Variants in DACT2 observed in about 807,000 individuals in gnomAD.
The protein encoded by DACT2 is dishevelled binding antagonist of beta catenin 2, also known as dapper homolog 2.
Under a neutral mutation model 22.2 loss-of-function variants are expected in DACT2, and 20 were observed. The observed-to-expected ratio is 0.90, with a 90% CI of 0.63 to 1.31. The LOEUF (loss-of-function observed/expected upper bound fraction) is 1.31. Among genes scored for constraint, DACT2 ranks in the 50% most tolerant of loss-of-function variants. DACT2 has a pLI of 0.00. For missense variants in DACT2, 1,048 were observed against 1,061.4 expected, an observed-to-expected ratio of 0.99 and a Z score of 0.18; for synonymous variants, 463 against 479.8, an observed-to-expected ratio of 0.96 and a Z score of 0.46.
At chr6:168,316,347 ACAGCATCTCAGC>A (rs1779543916) in intron 1 of DACT2, among the ~76,000 whole-genome samples, 1 of 55,614 alleles carries the variant, frequency 1.8e-5, no homozygotes, top group Admixed American at 1.8e-4. Context: ...CAAACACACA[ACAGCATCTCAGC>A]AGCACCTCCC....
At chr6:168,310,838 G>A (rs1779378261) in intron 2 of DACT2, among the ~76,000 whole-genome samples, 1 of 152,180 alleles carries the variant, frequency 6.6e-6, no homozygotes, top group African/African-American at 2.4e-5. Flanking sequence ...TGCCTGCCAA[G>A]TTGAGGAGAC....
intron 3 of DACT2, among the ~76,000 whole-genome samples, chr6:168,296,364 G>A (rs1019105288): frequency 1.3e-4 from 20 of 149,864 alleles, no homozygotes; most frequent in African/African-American, 4.7e-4. Flanking sequence ...CAGAATCAGG[G>A]AAACAGCGGA....
intron 4 of DACT2, chr6:168,294,595 A>ATATATATATATATC (rs1778977109): frequency 1.6e-6 from 1 of 623,582 alleles, no homozygotes; most frequent in Admixed American, 4.0e-5. Context: ...ATATATATAT[A>ATATATATATATATC]TATATATACA....
At chr6:168,312,133 A>G (rs1779436463) in intron 1 of DACT2, among the ~76,000 whole-genome samples, 1 of 152,220 alleles carries the variant, frequency 6.6e-6, no homozygotes, top group South Asian at 2.1e-4. Flanking sequence ...GAAGGTTCTC[A>G]GCAAAACATG....
chr6:168,311,545 CACACAT>C (rs372232845), intron 1 of DACT2, among the ~76,000 whole-genome samples: 2 of 60,808 alleles, frequency 3.3e-5, no homozygotes, highest in African/African-American at 9.1e-5. Context: ...CCCATCCACA[CACACAT>C]ACACACACTC....
intron 1 of DACT2, among the ~76,000 whole-genome samples, 156 bp downstream of exon 1, chr6:168,319,232 C>T (rs1779585401): frequency 6.6e-6 from 1 of 152,122 alleles, no homozygotes; most frequent in South Asian, 2.1e-4. Flanking sequence ...CCATGTCCCC[C>T]TCCTTGGAGA....
At chr6:168,305,592 C>T (rs1226468799), downstream of DACT2, among the ~76,000 whole-genome samples, 2 of 138,684 alleles carry the variant, frequency 1.4e-5, no homozygotes, top group Non-Finnish European at 3.1e-5. Flanking sequence ...AACTTCCTAG[C>T]CACGTCTTCA....
intron 3 of DACT2, among the ~76,000 whole-genome samples, chr6:168,296,085 C>T (rs1337504377): frequency 1.1e-5 from 1 of 94,324 alleles, no homozygotes; most frequent in Non-Finnish European, 1.9e-5. Flanking sequence ...GGAGGACAGG[C>T]ACCCAGAATC....
At chr6:168,302,646 G>A (rs2114897642), downstream of DACT2, among the ~76,000 whole-genome samples, 1 of 152,334 alleles carries the variant, frequency 6.6e-6, no homozygotes, top group Non-Finnish European at 1.5e-5. Flanking sequence ...AGGAGGGAGG[G>A]ATGAGTCTGC....
Position 168,311,560 on chromosome 6 carries a change from T to TACACACACACA in DACT2, c.247-277_247-276insTGTGTGTGTGT, listed in dbSNP as rs1562498431. On this transcript the variant is annotated intron_variant, in intron 1 of 3. Transcript: ENST00000366795. Reference sequence around the variant, plus strand: ...CCCATCCACACACACATACACACACTCACACACAAACACACACACCCATCC... The same window carrying TACACACACACA: ...CCCATCCACACACACATACACACACTACACACACACACACACACAAACACACACACCCATCC... Among the ~76,000 whole-genome samples the TACACACACACA allele has an allele frequency of 4.8e-3, 181 of 37,446 alleles. 7 individuals are homozygous for TACACACACACA. In the South Asian group the frequency reaches 0.16, roughly 32 times the overall value. The allele number at this position is 37,446 out of a possible 152,430, so 24.6% of individuals were successfully genotyped here. A position where few individuals can be genotyped will look rare whatever the true frequency, so the allele number is the denominator to read the frequency against.
chr6:168,310,063 G>A (rs1036965706), intron 3 of DACT2, 105 bp downstream of exon 3: 21 of 1,461,748 alleles, frequency 1.4e-5, no homozygotes, highest in East Asian at 5.1e-5. Context: ...GCCTGACAGC[G>A]TGCTCCGTGT....
At position 168,310,345 on chromosome 6, in the gene DACT2, C is replaced by T. The variant is rs999352435; in HGVS notation, c.481G>A (p.Val161Met). 3.2e-6 allele frequency: 5 copies of T among 1,551,630 alleles called. No homozygotes were observed. The highest frequency in any genetic ancestry group is 1.2e-5 in the South Asian group (1 of 84,040). ...GGCCTGGCCTTGTGGGCCTGGGCCA[C>T]AGGCAACAAACTGCCCAGCGAGGGA... ...ISPSLGSLLP[V>M]AQAHKARPSM... The change falls in exon 3 of 4, where the codon GTG becomes ATG. Residue 161 changes from valine to methionine, a missense_variant. By Grantham distance (21) the Val-to-Met change is conservative. Coordinates refer to ENST00000366795, the MANE Select transcript of DACT2 (RefSeq NM_214462.5).
intron 3 of DACT2, among the ~76,000 whole-genome samples, chr6:168,301,393 TG>T (rs1779100862): frequency 6.6e-6 from 1 of 152,236 alleles, no homozygotes; most frequent in Non-Finnish European, 1.5e-5. Context: ...AGCAGAACTC[TG>T]ACCCACACCT....
Position 168,307,556 on chromosome 6 carries a change from G to C in DACT2, c.2201C>G (p.Pro734Arg). 1 of 1,551,224 alleles carries C rather than the reference G, an allele frequency of 6.4e-7. No homozygotes were observed. The highest frequency in any genetic ancestry group is 1.4e-5 in the African/African-American group (1 of 73,156). ...GGACAGGAGTGGCCCCGAGCTGACCGGGGCCTCCTGGGTCCAGGCCAGCTC... is the reference window on the plus strand; with the variant it reads ...GGACAGGAGTGGCCCCGAGCTGACCCGGGCCTCCTGGGTCCAGGCCAGCTC... ...HAELAWTQEA[P>R]VSSGPLLSPV... Residue 734 changes from proline to arginine, a missense_variant, in exon 4 of 4, where the codon CCG becomes CGG. Pro to Arg is a moderately radical substitution (Grantham distance 103). Transcript: ENST00000366795. This position sits in a 1 kb window ranked among gnomAD's most constrained non-coding sequence, Gnocchi z 5.3.
intron 1 of DACT2, among the ~76,000 whole-genome samples, chr6:168,318,969 C>T (rs1289889018): frequency 3.7e-4 from 6 of 16,354 alleles, no homozygotes; most frequent in African/African-American, 3.1e-3. Flanking sequence ...CAGGGGGGAC[C>T]TGGTCCCCGG....
downstream of DACT2, among the ~76,000 whole-genome samples, chr6:168,305,473 A>G (rs867373284): frequency 1.3e-5 from 2 of 152,336 alleles, no homozygotes; most frequent in South Asian, 2.1e-4. Context: ...GAGTTGTGAT[A>G]CAAGCTAGGT....
In DACT2 at chr6:168,308,598, C is replaced by T; in HGVS notation, c.1159G>A (p.Glu387Lys). 2 of 1,546,624 alleles carry T rather than the reference C, an allele frequency of 1.3e-6. No individual in the cohort carries two copies. Among genetic ancestry groups the T allele is most frequent in the Middle Eastern group, 3.3e-4 (2 of 5,990 alleles). The change falls in exon 4 of 4, where the codon GAG becomes AAG. Residue 387 changes from glutamate to lysine, a missense_variant. Glu to Lys is a moderately conservative substitution (Grantham distance 56, BLOSUM62 1). Transcript: ENST00000366795. The part of the protein sequence containing the change: ...GRLLVFAPGR[E>K]DEGGPAQSRG... The stretch of plus-strand genomic sequence containing the variant: ...CTCTGAGCTGGCCCTCCCTCGTCCT[C>T]CCTCCCTGGGGCGAAGACCAGCAGT...
intron 3 of DACT2, among the ~76,000 whole-genome samples, chr6:168,297,896 G>A (rs766063772): frequency 3.0e-4 from 46 of 152,240 alleles, no homozygotes; most frequent in African/African-American, 5.3e-4. Context: ...AGGTGTCGGC[G>A]CAGCCCGGGT....
chr6:168,307,197 GC>G lies in DACT2; in HGVS notation c.*234del. 1 of 1,383,572 alleles carries G rather than the reference GC, an allele frequency of 7.2e-7. No individual in the cohort carries two copies. The highest frequency in any genetic ancestry group is 2.8e-5 in the East Asian group (1 of 35,614). The allele number at this position is 1,383,572 out of a possible 1,614,324, so 85.7% of individuals were successfully genotyped here. A position where few individuals can be genotyped will look rare whatever the true frequency, so the allele number is the denominator to read the frequency against. ...GACCTTGAAAAGAGACACTAGGTCG[GC>G]CGGGGAGGCTGCTGGCATCTGAAAC... On this transcript the variant is annotated 3_prime_UTR_variant, in exon 4 of 4. Transcript: ENST00000366795. This position sits in a 1 kb window ranked among gnomAD's most constrained non-coding sequence, Gnocchi z 5.3.
Sources: allele counts gnomAD v4.1 joint callset (sites outside exome capture counted in the v4.1 genomes callset), GRCh38; gene constraint gnomAD v4.1.1; non-coding constraint Gnocchi (gnomAD v3.1); transcripts MANE v1.5; gene names NCBI Gene and HGNC (gene_info 2026-07-23, HGNC 2026-07-21).